MICAL3: variants seen among roughly 807,000 people sequenced by gnomAD.
The protein encoded by MICAL3 is microtubule associated monooxygenase, calponin and LIM domain containing 3.
Under a neutral mutation model 207.4 loss-of-function variants are expected in MICAL3, and 62 were observed. That is an observed-to-expected ratio of 0.30 (90% CI 0.24 to 0.37). The LOEUF is 0.37. Ranked by LOEUF, MICAL3 falls within the 10% of genes least tolerant of loss-of-function variation. The pLI is 1.00. For synonymous variants in MICAL3, 1,077 were observed against 1,069.3 expected, an observed-to-expected ratio of 1.01 and a Z score of -0.14; for missense variants, 2,368 against 2,635.6, an observed-to-expected ratio of 0.90 and a Z score of 2.22.
At chr22:17,929,047 C>T (rs147996250) in intron 1 of MICAL3, among the ~76,000 whole-genome samples, 243 of 151,320 alleles carry the variant, frequency 1.6e-3, no homozygotes, top group African/African-American at 5.4e-3. Flanking sequence ...CCCGCCTCGG[C>T]CTCCCAAAGT....
intron 1 of MICAL3, among the ~76,000 whole-genome samples, chr22:17,951,819 CCT>C (rs1282156290): frequency 5.9e-5 from 9 of 151,936 alleles, no homozygotes; most frequent in African/African-American, 1.9e-4. Flanking sequence ...GCCTTGGCCC[CCT>C]GAGTAGCTGG....
At position 17,827,672 on chromosome 22, in the gene MICAL3, C is replaced by A. The variant is rs775688369; in HGVS notation, c.3165G>T (p.Ala1055=). ...CGGAAGCAGAGGACTCAGAGGCCGG[C>A]GCCATCCTCTCTTCCTCCTCTCTCT... ...IREREEEERM[A]PASESSASGA... Residue 1055 remains alanine, a synonymous_variant, in exon 22 of 32, where the codon GCG becomes GCT. Coordinates refer to ENST00000441493, the MANE Select transcript of MICAL3 (RefSeq NM_015241.3). 1.3e-6 allele frequency: 2 copies of A among 1,578,096 alleles called. No individual in the cohort carries two copies. Among genetic ancestry groups the A allele is most frequent in the Non-Finnish European group, 1.7e-6 (2 of 1,162,486 alleles).
intron 1 of MICAL3, among the ~76,000 whole-genome samples, chr22:18,023,640 G>A (rs1020869705): frequency 6.6e-6 from 1 of 152,246 alleles, no homozygotes; most frequent in East Asian, 1.9e-4. Flanking sequence ...CTTCCAGGAG[G>A]GAATGAACTT....
At chr22:17,942,628 G>A (rs991532929) in intron 1 of MICAL3, among the ~76,000 whole-genome samples, 1 of 152,212 alleles carries the variant, frequency 6.6e-6, no homozygotes, top group African/African-American at 2.4e-5. Context: ...TTCCTGTAGG[G>A]GACTGCTGTA....
intron 19 of MICAL3, among the ~76,000 whole-genome samples, chr22:17,852,677 C>T (rs1392017709): frequency 6.6e-6 from 1 of 152,186 alleles, no homozygotes; most frequent in Non-Finnish European, 1.5e-5. Context: ...AACCAGCAAC[C>T]CCAGACAGGC....
intron 8 of MICAL3, 131 bp downstream of exon 8, chr22:17,896,593 G>T: frequency 2.1e-6 from 2 of 967,526 alleles, no homozygotes; most frequent in Non-Finnish European, 3.0e-6. Context: ...CTACTTCCTG[G>T]TGTGACTCCT....
chr22:17,934,809 C>T (rs1206637167), intron 1 of MICAL3, among the ~76,000 whole-genome samples: 1 of 152,030 alleles, frequency 6.6e-6, no homozygotes, highest in Non-Finnish European at 1.5e-5. Flanking sequence ...TCTTATACAC[C>T]AATAATAGAC....
chr22:17,826,314 G>A, intron 22 of MICAL3: 2 of 269,620 alleles, frequency 7.4e-6, no homozygotes, highest in Non-Finnish European at 1.1e-5. Flanking sequence ...TGTCTGGCAA[G>A]GCATGCAGGT....
At chr22:17,831,751 G>A in intron 21 of MICAL3, 103 bp downstream of exon 21, 1 of 1,482,670 alleles carries the variant, frequency 6.7e-7, no homozygotes, top group South Asian at 1.4e-5. Context: ...TGTGCAGGAG[G>A]CACGTCCGTG....
chr22:17,824,623 G>A (rs751273368), intron 22 of MICAL3, among the ~76,000 whole-genome samples: 1 of 152,236 alleles, frequency 6.6e-6, no homozygotes, highest in Non-Finnish European at 1.5e-5. Context: ...GACGGCCCAC[G>A]TCACAGGGAG....
rs189722590 is a variant in MICAL3 at position 17,902,869 on chromosome 22, T to G, written c.473-122A>C. ...CTTCATTCAGATTCCCAAAGCCTGC[T>G]GTAGCAGGAGACCTTCCAAAGCCAC... On this transcript the variant is annotated intron_variant, in intron 3 of 31. Coordinates refer to ENST00000441493, the MANE Select transcript of MICAL3 (RefSeq NM_015241.3). The surrounding 1 kb of genome is among the most constrained non-coding windows in gnomAD (Gnocchi z 4.5). 4.8e-6 allele frequency: 3 copies of G among 624,530 alleles called. No homozygotes were observed. Among genetic ancestry groups the G allele is most frequent in the Middle Eastern group, 2.9e-4 (1 of 3,442 alleles). The allele number at this position is 624,530 out of a possible 1,614,324, so 38.7% of individuals were successfully genotyped here.
chr22:17,830,923 T>C (rs1922735909), intron 21 of MICAL3, among the ~76,000 whole-genome samples: 1 of 152,200 alleles, frequency 6.6e-6, no homozygotes, highest in Non-Finnish European at 1.5e-5. Context: ...ATGAGCCCTG[T>C]CAGGCAAGGG....
chr22:17,974,459 C>T (rs1935546379), intron 1 of MICAL3, among the ~76,000 whole-genome samples: 1 of 152,186 alleles, frequency 6.6e-6, no homozygotes, highest in South Asian at 2.1e-4. Flanking sequence ...CGCCTATAAT[C>T]CCAACACTTT....
chr22:17,906,814 C>T lies in MICAL3; in HGVS notation c.-2G>A. 1 of 1,593,846 alleles carries T rather than the reference C, an allele frequency of 6.3e-7. No homozygotes were observed. Among genetic ancestry groups the T allele is most frequent in the Non-Finnish European group, 8.6e-7 (1 of 1,167,728 alleles). ...GGTCTCATGCTTCCTCTCCTCCATG[C>T]TGCCTCACTCTCAGCACTCCCCAGA... On this transcript the variant is annotated 5_prime_UTR_variant, in exon 2 of 32. Transcript: ENST00000441493.
At chr22:17,997,112 G>T (rs1164196389) in intron 1 of MICAL3, among the ~76,000 whole-genome samples, 1 of 132,180 alleles carries the variant, frequency 7.6e-6, no homozygotes, top group Non-Finnish European at 1.5e-5. Context: ...CTGGAGTGCT[G>T]GAGTGCAGTG....
intron 29 of MICAL3, among the ~76,000 whole-genome samples, chr22:17,792,976 G>A (rs2061839371): frequency 6.6e-6 from 1 of 151,610 alleles, no homozygotes; most frequent in Non-Finnish European, 1.5e-5. Flanking sequence ...CATGCAAGCT[G>A]TCCAGTGCGC....
chr22:17,852,260 TAA>T (rs1007697274), intron 19 of MICAL3, among the ~76,000 whole-genome samples: 2 of 152,166 alleles, frequency 1.3e-5, no homozygotes, highest in Non-Finnish European at 2.9e-5. Flanking sequence ...GGAAAGAAAC[TAA>T]AGTTGCCTGC....
intron 19 of MICAL3, among the ~76,000 whole-genome samples, chr22:17,851,412 T>G (rs1437878502): frequency 2.0e-5 from 3 of 152,206 alleles, no homozygotes; most frequent in Non-Finnish European, 4.4e-5. Context: ...TGTTCAGGTC[T>G]GAATGGACTT....
rs138014101 is a variant in MICAL3 at position 17,907,626 on chromosome 22, G to A, written c.-74-740C>T. Among the ~76,000 whole-genome samples the A allele has an allele frequency of 2.0e-5, 3 of 152,308 alleles. 1 individual carries two copies. In the South Asian group the frequency reaches 6.2e-4, roughly 32 times the overall value. On this transcript the variant is annotated intron_variant, in intron 1 of 31. Coordinates refer to ENST00000441493, the MANE Select transcript of MICAL3 (RefSeq NM_015241.3). ...TACAAAAGCAGGAAGATCACGAAAG[G>A]AGAGTGCACAGGGCAGAAGAGCCGC...
Sources: allele counts gnomAD v4.1 joint callset (sites outside exome capture counted in the v4.1 genomes callset), GRCh38; gene constraint gnomAD v4.1.1; non-coding constraint Gnocchi (gnomAD v3.1); transcripts MANE v1.5; gene names NCBI Gene and HGNC (gene_info 2026-07-23, HGNC 2026-07-21).